The following ZNF804B variants were observed in gnomAD, a reference collection of about 807,000 sequenced individuals.
The protein encoded by ZNF804B is zinc finger 804B.
ZNF804B carries 80 observed loss-of-function variants against 101.4 expected under a neutral mutation model. The ratio of observed to expected loss-of-function variants is 0.79; its 90% CI spans 0.66 to 0.95. ZNF804B has a LOEUF of 0.95. ZNF804B is among the 40% of genes least tolerant of loss of function. The probability of loss-of-function intolerance (pLI) is 0.00; values close to 1 mark genes in which losing one functional copy is unlikely to be tolerated. For synonymous variants in ZNF804B, 622 were observed against 558.8 expected, an observed-to-expected ratio of 1.11 and a Z score of -1.59; for missense variants, 1,673 against 1,561.9, an observed-to-expected ratio of 1.07 and a Z score of -1.20.
chr7:88,893,528 T>C (rs1196534878), intron 1 of ZNF804B, among the ~76,000 whole-genome samples: 2 of 151,960 alleles, frequency 1.3e-5, no homozygotes, highest in African/African-American at 4.8e-5. Flanking sequence ...ATGGATAAAA[T>C]ATCAAAAACC....
At chr7:89,103,067 T>TGTTTTTTTG (rs1562885470) in intron 1 of ZNF804B, among the ~76,000 whole-genome samples, 1 of 139,926 alleles carries the variant, frequency 7.1e-6, no homozygotes, top group African/African-American at 2.7e-5. Flanking sequence ...TTTTTTTTTT[T>TGTTTTTTTG]TTTTTTTTTT....
At chr7:89,045,007 A>G (rs900034329) in intron 1 of ZNF804B, among the ~76,000 whole-genome samples, 1 of 152,212 alleles carries the variant, frequency 6.6e-6, no homozygotes, top group African/African-American at 2.4e-5. Context: ...CTATGAGGGA[A>G]AAATGGTTTC....
chr7:88,993,163 T>TA (rs1323982120), intron 1 of ZNF804B, among the ~76,000 whole-genome samples: 1 of 152,020 alleles, frequency 6.6e-6, no homozygotes, highest in Non-Finnish European at 1.5e-5. Flanking sequence ...CTAATGCATT[T>TA]AAAATATAGA....
intron 1 of ZNF804B, among the ~76,000 whole-genome samples, chr7:89,033,470 A>C (rs1318729865): frequency 6.6e-5 from 10 of 152,144 alleles, no homozygotes; most frequent in African/African-American, 2.4e-4. Context: ...ATTTTGGATA[A>C]ATACTGAAAA....
intron 2 of ZNF804B, among the ~76,000 whole-genome samples, chr7:89,237,410 G>A (rs1334454825): frequency 1.3e-5 from 2 of 152,236 alleles, no homozygotes; most frequent in Non-Finnish European, 1.5e-5. Context: ...TTCCTTAGGT[G>A]TGATCTATCT....
intron 1 of ZNF804B, among the ~76,000 whole-genome samples, chr7:88,952,271 CTTG>C (rs1454325426): frequency 4.0e-5 from 6 of 151,704 alleles, no homozygotes; most frequent in Non-Finnish European, 8.8e-5. Flanking sequence ...ATGCATTCTC[CTTG>C]TTGTTCTTTG....
intron 1 of ZNF804B, among the ~76,000 whole-genome samples, chr7:88,938,119 G>A (rs62464068): frequency 6.6e-6 from 1 of 152,040 alleles, no homozygotes; most frequent in Non-Finnish European, 1.5e-5. Flanking sequence ...TTGGAAGTGG[G>A]GAGGGGGAGG....
chr7:89,093,262 A>G (rs549036833), intron 1 of ZNF804B, among the ~76,000 whole-genome samples: 2 of 152,330 alleles, frequency 1.3e-5, no homozygotes, highest in South Asian at 4.1e-4. Context: ...CACCTTATCA[A>G]TTAGAGTATA....
intron 2 of ZNF804B, among the ~76,000 whole-genome samples, chr7:89,300,721 TG>T (rs1026383128): frequency 1.3e-5 from 2 of 151,948 alleles, no homozygotes; most frequent in African/African-American, 4.8e-5. Context: ...AAATCATGTG[TG>T]ATATCACAGA....
chr7:88,904,909 G>T (rs1033537665), intron 1 of ZNF804B, among the ~76,000 whole-genome samples: 1 of 152,098 alleles, frequency 6.6e-6, no homozygotes, highest in Non-Finnish European at 1.5e-5. Flanking sequence ...ATAGTTTGAC[G>T]TCTTCTTTTC....
At chr7:88,901,750 C>T (rs543069926) in intron 1 of ZNF804B, among the ~76,000 whole-genome samples, 45 of 151,854 alleles carry the variant, frequency 3.0e-4, no homozygotes, top group Non-Finnish European at 5.9e-4. Flanking sequence ...ATAAATTGGC[C>T]TCACGATACA....
intron 1 of ZNF804B, among the ~76,000 whole-genome samples, chr7:89,080,508 C>G (rs1001561003): frequency 6.6e-6 from 1 of 151,978 alleles, no homozygotes; most frequent in South Asian, 2.1e-4. Flanking sequence ...GCTCTTTATG[C>G]TCAAGAAACA....
rs548276395 is a variant in ZNF804B, at chr7:88,978,330, C to T, written c.108+218246C>T. Among the ~76,000 whole-genome samples the T allele has an allele frequency of 1.8e-4, 28 of 151,802 alleles. No homozygotes were observed. In the South Asian group the frequency reaches 5.2e-3, roughly 28 times the overall value. The stretch of plus-strand genomic sequence containing the variant: ...ATGCTGAAAGTGAGGTGTTGGTCTT[C>T]GTCTATTATTGTACTGGGGTTTACC... On this transcript the variant is annotated intron_variant, in intron 1 of 3. Coordinates refer to ENST00000333190, the MANE Select transcript of ZNF804B (RefSeq NM_181646.5).
chr7:89,190,953 C>G (rs978418903), intron 1 of ZNF804B, among the ~76,000 whole-genome samples: 1 of 152,116 alleles, frequency 6.6e-6, no homozygotes, highest in Non-Finnish European at 1.5e-5. Context: ...GTAAATAGAA[C>G]TTTTATGTGC....
At chr7:89,000,612 T>C (rs1036164340) in intron 1 of ZNF804B, among the ~76,000 whole-genome samples, 2 of 151,912 alleles carry the variant, frequency 1.3e-5, no homozygotes, top group Admixed American at 1.3e-4. Flanking sequence ...ACTGAAAGTT[T>C]GTACTCTTTG....
At chr7:89,266,464 A>G (rs968281478) in intron 2 of ZNF804B, among the ~76,000 whole-genome samples, 1 of 152,174 alleles carries the variant, frequency 6.6e-6, no homozygotes, top group African/African-American at 2.4e-5. Flanking sequence ...AGGCTCACCT[A>G]TCAATGATTG....
intron 1 of ZNF804B, among the ~76,000 whole-genome samples, chr7:88,793,684 T>C (rs1206748545): frequency 2.0e-5 from 3 of 152,130 alleles, no homozygotes; most frequent in Admixed American, 6.5e-5. Context: ...ACTATAATGA[T>C]ATATTATATT....
intron 1 of ZNF804B, among the ~76,000 whole-genome samples, chr7:88,987,757 G>A (rs191859319): frequency 3.7e-4 from 57 of 152,024 alleles, no homozygotes; most frequent in African/African-American, 1.3e-3. Flanking sequence ...ATTTGGGTTG[G>A]GAACATTCCA....
At chr7:88,876,348 G>C (rs1310840831) in intron 1 of ZNF804B, among the ~76,000 whole-genome samples, 3 of 152,120 alleles carry the variant, frequency 2.0e-5, no homozygotes, top group Non-Finnish European at 2.9e-5. Context: ...GTTTAAATTA[G>C]TTGAATTAAT....
Sources: gnomAD v4.1 joint callset for allele counts (sites outside exome capture counted in the v4.1 genomes callset) on GRCh38, gnomAD v4.1.1 for gene constraint, MANE v1.5 for transcripts, NCBI Gene and HGNC (gene_info 2026-07-23, HGNC 2026-07-21) for gene names.